SCRIB: variants seen among roughly 807,000 people sequenced by gnomAD.
The protein encoded by SCRIB is scribble planar cell polarity protein, also known as protein scribble homolog.
SCRIB carries 72 observed loss-of-function variants against 170.0 expected under a neutral mutation model. The ratio of observed to expected loss-of-function variants is 0.42; its 90% CI spans 0.35 to 0.52. The LOEUF (loss-of-function observed/expected upper bound fraction) is 0.52, where lower values mean the gene tolerates loss of function less well. Among genes scored for constraint, SCRIB ranks in the 20% least tolerant of loss-of-function variants. The probability of loss-of-function intolerance (pLI) is 0.02; values close to 1 mark genes in which losing one functional copy is unlikely to be tolerated. For missense variants in SCRIB, 2,475 were observed against 2,338.5 expected (o/e 1.06, Z -1.20); for synonymous variants, 1,298 against 1,044.3 (o/e 1.24, Z -4.68).
chr8:143,815,143 C>T (rs1741843930), intron 1 of SCRIB, 71 bp downstream of exon 1: 22 of 1,423,370 alleles, frequency 1.5e-5, no homozygotes, highest in Admixed American at 4.9e-5. Context: ...CTCGCCCGGG[C>T]AGATTCTGCC....
Position 143,815,647 on chromosome 8 carries a change from T to TTGGTCCTGCTCAGC in SCRIB, c.-289_-276dup. The TTGGTCCTGCTCAGC allele has an allele frequency of 1.0e-6, 1 of 982,860 alleles. No homozygotes were observed. The highest frequency in any genetic ancestry group is 4.7e-5 in the South Asian group (1 of 21,284). The allele number at this position is 982,860 out of a possible 1,614,324, so 60.9% of individuals were successfully genotyped here. A position where few individuals can be genotyped will look rare whatever the true frequency, so the allele number is the denominator to read the frequency against. Reference sequence around the variant, plus strand: ...CGGCGGCGGCGGCTCCGCATCCCGCTTGGTCCTGCTCAGCTCGTCCCGCCC... The same window carrying TTGGTCCTGCTCAGC: ...CGGCGGCGGCGGCTCCGCATCCCGCTTGGTCCTGCTCAGCTGGTCCTGCTCAGCTCGTCCCGCCC... On this transcript the variant is annotated 5_prime_UTR_variant, in exon 1 of 37. Coordinates refer to ENST00000356994, the MANE Select transcript of SCRIB (RefSeq NM_182706.5).
chr8:143,798,211 G>A (rs577700892), intron 24 of SCRIB, among the ~76,000 whole-genome samples: 11 of 152,102 alleles, frequency 7.2e-5, no homozygotes, highest in East Asian at 1.9e-4. Context: ...AGCTGAGATC[G>A]TGCCACTGCA....
chr8:143,805,725 G>A (rs539530202), intron 18 of SCRIB, among the ~76,000 whole-genome samples: 4 of 152,320 alleles, frequency 2.6e-5, no homozygotes, highest in East Asian at 1.9e-4. Context: ...ACATGGCCCC[G>A]CTCCTGGATA....
At position 143,813,744 on chromosome 8, in the gene SCRIB, G is replaced by A; in HGVS notation, c.357-18C>T. 6.2e-7 allele frequency: 1 copy of A among 1,613,060 alleles called. No individual in the cohort carries two copies. Among genetic ancestry groups the A allele is most frequent in the Non-Finnish European group, 8.5e-7 (1 of 1,179,778 alleles). ...CAGGGAGCCTGGATGGGAGGAAGCA[G>A]AGGCCCTCGGATGACCAGTCCAGGG... On this transcript the variant is annotated intron_variant, in intron 3 of 36. Transcript: ENST00000356994.
chr8:143,795,588 G>T, intron 24 of SCRIB, 58 bp from the exon 25 acceptor site: 1 of 1,394,870 alleles, frequency 7.2e-7, no homozygotes, highest in Non-Finnish European at 1.0e-6. Flanking sequence ...CCCACCTCTG[G>T]GGCAGGCTGG....
rs781799403 is a variant in SCRIB at position 143,805,385 on chromosome 8, C to T, written c.2397G>A (p.Ala799=). The T allele has an allele frequency of 1.6e-5, 25 of 1,546,368 alleles. No individual in the cohort carries two copies. The highest frequency in any genetic ancestry group is 3.5e-5 in the South Asian group (3 of 84,836). The part of the protein sequence containing the change: ...QGAEHHEAVE[A]LRGAGTAVQM... ...GCACGGCAGTGCCGGCCCCCCGGAGCGCCTCCACGGCCTCGTGGTGCTCGG... is the reference window on the plus strand; with the variant it reads ...GCACGGCAGTGCCGGCCCCCCGGAGTGCCTCCACGGCCTCGTGGTGCTCGG... Residue 799 remains alanine, a synonymous_variant, in exon 19 of 37, where the codon GCG becomes GCA. Transcript: ENST00000356994.
chr8:143,814,222 T>C (rs925322708), intron 1 of SCRIB, 104 bp from the exon 2 acceptor site: 4 of 954,962 alleles, frequency 4.2e-6, no homozygotes, highest in Non-Finnish European at 6.4e-6. Context: ...TAGGCCTCTG[T>C]CTGCTCCAGG....
In SCRIB at chr8:143,804,967, C is replaced by A; in HGVS notation, c.2718G>T (p.Ala906=). Residue 906 remains alanine (A), a synonymous_variant, in exon 20 of 37, where the codon GCG becomes GCT. Coordinates refer to ENST00000356994, the MANE Select transcript of SCRIB (RefSeq NM_182706.5). ...CGCGGTCGCCAACCTGCAGTGTGCCCGCGCGGTGAGCAGCACCGCCCTCGG... is the reference window on the plus strand; with the variant it reads ...CGCGGTCGCCAACCTGCAGTGTGCCAGCGCGGTGAGCAGCACCGCCCTCGG... ...RIAEGGAAHR[A]GTLQVGDRVL... is the part of the protein sequence containing the mutation. The A allele has an allele frequency of 6.3e-7, 1 of 1,579,740 alleles. No homozygotes were observed. The highest frequency in any genetic ancestry group is 1.8e-5 in the Admixed American group (1 of 56,608).
chr8:143,792,859 C>A lies in SCRIB; in HGVS notation c.4026G>T (p.Thr1342=), dbSNP rs528903877. 3 of 1,514,672 alleles carry A rather than the reference C, an allele frequency of 2.0e-6. No homozygotes were observed. Among genetic ancestry groups the A allele is most frequent in the Non-Finnish European group, 1.8e-6 (2 of 1,135,426 alleles). 93.8% of individuals were successfully genotyped at this position (1,514,672 alleles called of 1,614,324 possible). A position where few individuals can be genotyped will look rare whatever the true frequency, so the allele number is the denominator to read the frequency against. Residue 1342 remains threonine, a synonymous_variant, in exon 30 of 37, where the codon ACG becomes ACT. Coordinates refer to ENST00000356994, the MANE Select transcript of SCRIB (RefSeq NM_182706.5). ...PPEDAPAQPP[T]PGPAASPEQL... ...GCTCCGGGGAGGCTGCAGGCCCAGGCGTGGGGGGCTGGGGGGAGCGGACCT... is the reference window on the plus strand; with the variant it reads ...GCTCCGGGGAGGCTGCAGGCCCAGGAGTGGGGGGCTGGGGGGAGCGGACCT...
chr8:143,810,743 C>T lies in SCRIB; in HGVS notation c.1347G>A (p.Gln449=). 1.2e-6 allele frequency: 2 copies of T among 1,608,828 alleles called. No individual in the cohort carries two copies. Among genetic ancestry groups the T allele is most frequent in the Non-Finnish European group, 1.7e-6 (2 of 1,177,974 alleles). ...CATCACCTATGGGGGCCTCCAGGAA[C>T]TGGATGACGCTGACGCGGCTCGGCG... ...DAPPSRVSVI[Q]FLEAPIGDED... is the part of the protein sequence containing the mutation. Residue 449 remains glutamine (Q), a synonymous_variant, in exon 12 of 37, where the codon CAG becomes CAA. Transcript: ENST00000356994.
Position 143,795,411 on chromosome 8 carries a change from A to C in SCRIB, c.3714+9T>G. On this transcript the variant is annotated intron_variant, in intron 25 of 36. Coordinates refer to ENST00000356994, the MANE Select transcript of SCRIB (RefSeq NM_182706.5). Reference sequence around the variant, plus strand: ...GGCCCTGGGGCTGCCGGCTGCAGGCACCTCTGACCTTGCCTGGGCCCTCAG... The same window carrying C: ...GGCCCTGGGGCTGCCGGCTGCAGGCCCCTCTGACCTTGCCTGGGCCCTCAG... The C allele has an allele frequency of 6.2e-7, 1 of 1,612,392 alleles. No individual in the cohort carries two copies. The highest frequency in any genetic ancestry group is 8.5e-7 in the Non-Finnish European group (1 of 1,179,476).
At position 143,807,412 on chromosome 8, in the gene SCRIB, C is replaced by T; in HGVS notation, c.2178+140G>A. The T allele has an allele frequency of 6.4e-6, 5 of 786,636 alleles. 1 individual carries two copies. Among genetic ancestry groups the T allele is most frequent in the South Asian group, 5.6e-5 (4 of 71,164 alleles). The allele number at this position is 786,636 out of a possible 1,614,324, so 48.7% of individuals were successfully genotyped here. Reference sequence around the variant, plus strand: ...TGCCCCAGGCAGGAGGTGTCCTGATCCTGGAGCCCAGCTGGATCTGAGAGC... The same window carrying T: ...TGCCCCAGGCAGGAGGTGTCCTGATTCTGGAGCCCAGCTGGATCTGAGAGC... On this transcript the variant is annotated intron_variant, in intron 16 of 36. Coordinates refer to ENST00000356994, the MANE Select transcript of SCRIB (RefSeq NM_182706.5).
At chr8:143,800,849 G>C (rs1554634855) in intron 24 of SCRIB, among the ~76,000 whole-genome samples, 1 of 152,234 alleles carries the variant, frequency 6.6e-6, no homozygotes, top group African/African-American at 2.4e-5. Context: ...ACTCCAGCCT[G>C]GGCGACAGAG....
chr8:143,804,805 A>G lies in SCRIB; in HGVS notation c.2772T>C (p.Thr924=). Residue 924 remains threonine (T), a synonymous_variant, in exon 21 of 37, where the codon ACT becomes ACC. Transcript: ENST00000356994. ...RVLSINGVDV[T]EARHDHAVSL... ...AGACGGCGTGGTCATGCCTGGCCTC[A>G]GTCACGTCCACTCCATTAATCTGTG... The G allele has an allele frequency of 6.3e-7, 1 of 1,593,264 alleles. No individual in the cohort carries two copies. The highest frequency in any genetic ancestry group is 1.1e-5 in the South Asian group (1 of 88,786).
chr8:143,806,132 A>G (rs368689924), intron 18 of SCRIB, among the ~76,000 whole-genome samples: 8 of 152,040 alleles, frequency 5.3e-5, no homozygotes, highest in African/African-American at 1.9e-4. Flanking sequence ...TGCCCTACCC[A>G]CTGGTAGAAA....
chr8:143,795,519 A>G lies in SCRIB; in HGVS notation c.3615T>C (p.Gly1205=). The G allele has an allele frequency of 2.5e-6, 4 of 1,611,034 alleles. No individual in the cohort carries two copies. The highest frequency in any genetic ancestry group is 3.4e-6 in the Non-Finnish European group (4 of 1,178,720). The change falls in exon 25 of 37, where the codon GGT becomes GGC. Residue 1205 remains glycine (G), a synonymous_variant. Transcript: ENST00000356994. The part of the protein sequence containing the change: ...STDAALEVSP[G]VIANPFAAGI... ...CTGCCGCAAAGGGGTTGGCAATGACACCTGGGGACACCTGAGAAGAGGGGT... is the reference window on the plus strand; with the variant it reads ...CTGCCGCAAAGGGGTTGGCAATGACGCCTGGGGACACCTGAGAAGAGGGGT...
chr8:143,804,919 C>A lies in SCRIB; in HGVS notation c.2751+15G>T. Reference sequence around the variant, plus strand: ...GGGGGATGGGTGGGTGGGGCGGGGCCCCATCCCCACTCACAGAGAGGACGC... The same window carrying A: ...GGGGGATGGGTGGGTGGGGCGGGGCACCATCCCCACTCACAGAGAGGACGC... On this transcript the variant is annotated intron_variant, in intron 20 of 36. Coordinates refer to ENST00000356994, the MANE Select transcript of SCRIB (RefSeq NM_182706.5). 6.5e-7 allele frequency: 1 copy of A among 1,538,816 alleles called. No homozygotes were observed. The highest frequency in any genetic ancestry group is 8.7e-7 in the Non-Finnish European group (1 of 1,148,186).
Position 143,804,961 on chromosome 8 carries a change from T to C in SCRIB, c.2724A>G (p.Thr908=), listed in dbSNP as rs781877504. ...AGAGGACGCGGTCGCCAACCTGCAG[T>C]GTGCCCGCGCGGTGAGCAGCACCGC... ...AEGGAAHRAG[T]LQVGDRVLSI... is the part of the protein sequence containing the mutation. Residue 908 remains threonine (T), a synonymous_variant, in exon 20 of 37, where the codon ACA becomes ACG. Coordinates refer to ENST00000356994, the MANE Select transcript of SCRIB (RefSeq NM_182706.5). 3.8e-6 allele frequency: 6 copies of C among 1,576,208 alleles called. No homozygotes were observed. The highest frequency in any genetic ancestry group is 5.1e-6 in the Non-Finnish European group (6 of 1,166,994).
chr8:143,813,240 C>T (rs768714905), intron 6 of SCRIB, 71 bp downstream of exon 6: 7 of 1,600,796 alleles, frequency 4.4e-6, no homozygotes, highest in African/African-American at 4.0e-5. Context: ...CGGATCTGCT[C>T]GCTGTCCCCT....
Sources: gnomAD v4.1 joint callset for allele counts (sites outside exome capture counted in the v4.1 genomes callset) on GRCh38, gnomAD v4.1.1 for gene constraint, MANE v1.5 for transcripts, NCBI Gene and HGNC (gene_info 2026-07-23, HGNC 2026-07-21) for gene names.